QPCTL: variants seen among roughly 807,000 people sequenced by gnomAD.
QPCTL encodes the protein glutaminyl-peptide cyclotransferase-like protein.
QPCTL carries 31 observed loss-of-function variants against 34.6 expected under a neutral mutation model. That is an observed-to-expected ratio of 0.90 (90% CI 0.67 to 1.21). The LOEUF is 1.21. Ranked by LOEUF, QPCTL falls within the 50% of genes most tolerant of loss-of-function variation. QPCTL has a pLI of 0.00. For missense variants in QPCTL, 474 were observed against 507.8 expected (o/e 0.93, Z 0.64); for synonymous variants, 223 against 226.9 (o/e 0.98, Z 0.15).
intron 2 of QPCTL, among the ~76,000 whole-genome samples, chr19:45,693,812 T>C (rs114185570): frequency 0.023 from 3,538 of 152,288 alleles, 152 homozygotes; most frequent in African/African-American, 0.08. Flanking sequence ...ATCTTCATTA[T>C]GCAGATGGGG....
In QPCTL at chr19:45,698,840, C is replaced by T; in HGVS notation, c.826C>T (p.Pro276Ser). The T allele has an allele frequency of 1.9e-6, 3 of 1,614,040 alleles. No homozygotes were observed. The highest frequency in any genetic ancestry group is 2.5e-6 in the Non-Finnish European group (3 of 1,179,958). ...TCTTGATCTCCTGGGAGCCCCCAAT[C>T]CCACCTTCTACAGCCACTTCCCTCG... ...MLLDLLGAPN[P>S]TFYSHFPRTV... is the part of the protein sequence containing the mutation. The change falls in exon 5 of 7, where the codon CCC (proline) becomes TCC (serine). Residue 276 changes from proline to serine, a missense_variant. Physicochemically the swap from Pro to Ser is moderately conservative, Grantham distance 74 (BLOSUM62 -1). Transcript: ENST00000012049.
At chr19:45,698,282 C>A (rs1433738487) in intron 3 of QPCTL, among the ~76,000 whole-genome samples, 2 of 151,594 alleles carry the variant, frequency 1.3e-5, no homozygotes, top group Admixed American at 1.3e-4. Flanking sequence ...AAACAAAAAA[C>A]CTCTTATTAA....
rs1287426225 is a variant in QPCTL, at chr19:45,703,225, C to T, written c.*176C>T. ...CTTTTGATTGTCTCAAGCTGCCACC[C>T]TTCAAGGACAGGGAAGAGACCACTG... On this transcript the variant is annotated 3_prime_UTR_variant, in exon 7 of 7. Coordinates refer to ENST00000012049, the MANE Select transcript of QPCTL (RefSeq NM_017659.4). The T allele has an allele frequency of 1.2e-6, 1 of 839,322 alleles. No individual in the cohort carries two copies. Among genetic ancestry groups the T allele is most frequent in the Non-Finnish European group, 1.8e-6 (1 of 550,274 alleles). 52.0% of individuals were successfully genotyped at this position (839,322 alleles called of 1,614,324 possible).
intron 5 of QPCTL, among the ~76,000 whole-genome samples, chr19:45,699,431 T>C (rs1458884151): frequency 6.6e-6 from 1 of 151,934 alleles, no homozygotes; most frequent in African/African-American, 2.4e-5. Flanking sequence ...AAGGCTATAG[T>C]GAGCCAAGAT....
Position 45,694,539 on chromosome 19 carries a change from C to T in QPCTL, c.352-898C>T, listed in dbSNP as rs190668365. Among the ~76,000 whole-genome samples the T allele has an allele frequency of 7.9e-5, 12 of 151,786 alleles. No individual in the cohort carries two copies. In the East Asian group the frequency reaches 2.2e-3, roughly 27 times the overall value. On this transcript the variant is annotated intron_variant, in intron 2 of 6. Coordinates refer to ENST00000012049, the MANE Select transcript of QPCTL (RefSeq NM_017659.4). ...GGGTTGGAGTGCAGTGGCGCGATCT[C>T]GGCTCACTGCAACCTCCACCTCCCA...
At chr19:45,693,219 T>G (rs1433513327) in intron 1 of QPCTL, among the ~76,000 whole-genome samples, 194 bp from the exon 2 acceptor site, 1 of 152,088 alleles carries the variant, frequency 6.6e-6, no homozygotes, top group Admixed American at 6.6e-5. Context: ...CCCATCAAGT[T>G]TGAGGTAGGC....
chr19:45,701,577 C>T (rs1452491799), intron 5 of QPCTL, among the ~76,000 whole-genome samples: 1 of 152,088 alleles, frequency 6.6e-6, no homozygotes, highest in Non-Finnish European at 1.5e-5. Context: ...CACCAGGCCA[C>T]AAGATCTTGT....
chr19:45,694,604 G>A (rs1473392005), intron 2 of QPCTL, among the ~76,000 whole-genome samples: 1 of 151,048 alleles, frequency 6.6e-6, no homozygotes, highest in Admixed American at 6.6e-5. Flanking sequence ...CTGAGTAGCT[G>A]GGATTACAGG....
In QPCTL at chr19:45,693,433, C is replaced by T. The variant is rs1454927620; in HGVS notation, c.228C>T (p.Leu76=). 1.2e-6 allele frequency: 2 copies of T among 1,611,762 alleles called. No individual in the cohort carries two copies. Among genetic ancestry groups the T allele is most frequent in the East Asian group, 2.2e-5 (1 of 44,716 alleles). ...CCAAGGTCCCATTGATCGGAAGCCT[C>T]CCCGAAGCCCGGCTGCGGAGGGTGG... The part of the protein sequence containing the change: ...RELRVPLIGS[L]PEARLRRVVG... Residue 76 remains leucine (L), a synonymous_variant, in exon 2 of 7, where the codon CTC becomes CTT. Coordinates refer to ENST00000012049, the MANE Select transcript of QPCTL (RefSeq NM_017659.4).
intron 5 of QPCTL, among the ~76,000 whole-genome samples, chr19:45,700,829 G>T (rs571476367): frequency 1.2e-4 from 18 of 151,872 alleles, no homozygotes; most frequent in Non-Finnish European, 2.1e-4. Flanking sequence ...TGTGGTGGTG[G>T]GCGCCTGTAC....
intron 1 of QPCTL, 57 bp from the exon 2 acceptor site, chr19:45,693,356 G>A: frequency 6.4e-7 from 1 of 1,553,350 alleles, no homozygotes; most frequent in Non-Finnish European, 8.7e-7. Flanking sequence ...CCGGGGTAGG[G>A]TTGAAATGGG....
Position 45,692,838 on chromosome 19 carries a change from C to A in QPCTL, c.135C>A (p.Gly45=), listed in dbSNP as rs759307525. The change falls in exon 1 of 7, where the codon GGC becomes GGA. Residue 45 remains glycine (G), a synonymous_variant. Coordinates refer to ENST00000012049, the MANE Select transcript of QPCTL (RefSeq NM_017659.4). The part of the protein sequence containing the change: ...LLPLLLALAV[G]SAFYTIWSGW... ...CTCTGTTGCTGGCGCTGGCCGTGGG[C>A]TCGGCGTTCTACACCATTTGGAGCG... 1.3e-6 allele frequency: 2 copies of A among 1,564,362 alleles called. No homozygotes were observed. The highest frequency in any genetic ancestry group is 1.7e-6 in the Non-Finnish European group (2 of 1,154,904).
intron 1 of QPCTL, 65 bp from the exon 2 acceptor site, chr19:45,693,348 G>A: frequency 6.6e-7 from 1 of 1,522,690 alleles, no homozygotes; most frequent in East Asian, 2.3e-5. Flanking sequence ...GACGGCGCCC[G>A]GGGTAGGGTT....
rs1449153769 is a variant in QPCTL at position 45,701,892 on chromosome 19, C to G, written c.981C>G (p.Asp327Glu). 1.2e-6 allele frequency: 2 copies of G among 1,612,926 alleles called. No homozygotes were observed. Among genetic ancestry groups the G allele is most frequent in the Non-Finnish European group, 1.7e-6 (2 of 1,179,122 alleles). ...AGCCCTTTGGCTCTGTGGAAGACGACCACATCCCCTTCCTCCGCAGAGGTA... is the reference window on the plus strand; with the variant it reads ...AGCCCTTTGGCTCTGTGGAAGACGAGCACATCCCCTTCCTCCGCAGAGGTA... Reference protein sequence around the residue: ...PGEPFGSVEDDHIPFLRRGVP... With the variant: ...PGEPFGSVEDEHIPFLRRGVP... The change falls in exon 6 of 7, where the codon GAC (aspartate) becomes GAG (glutamate). Residue 327 changes from aspartate to glutamate, a missense_variant. By Grantham distance (45) the Asp-to-Glu change is conservative (BLOSUM62 2). Transcript: ENST00000012049.
chr19:45,694,761 G>A (rs1466259723), intron 2 of QPCTL, among the ~76,000 whole-genome samples: 1 of 151,992 alleles, frequency 6.6e-6, no homozygotes, highest in East Asian at 1.9e-4. Context: ...GAGCCACCGC[G>A]CCCGGCCTGG....
rs1967856130 is a variant in QPCTL, at chr19:45,703,968, AAATAAAT to A, written c.*921_*927del. Reference sequence around the variant, plus strand: ...ACTCCATCTCAATAAATAAATAAATAAATAAATATTTTTTAAAAAGAGTAAAAGACTA... The same window carrying A: ...ACTCCATCTCAATAAATAAATAAATAATTTTTTAAAAAGAGTAAAAGACTA... On this transcript the variant is annotated 3_prime_UTR_variant, in exon 7 of 7. Transcript: ENST00000012049. The A allele has an allele frequency of 2.0e-5, 3 of 151,906 alleles. No individual in the cohort carries two copies. The highest frequency in any genetic ancestry group is 4.4e-5 in the Non-Finnish European group (3 of 68,054). 9.4% of individuals were successfully genotyped at this position (151,906 alleles called of 1,614,324 possible). A position where few individuals can be genotyped will look rare whatever the true frequency, so the allele number is the denominator to read the frequency against.
chr19:45,703,140 C>G lies in QPCTL; in HGVS notation c.*91C>G. On this transcript the variant is annotated 3_prime_UTR_variant, in exon 7 of 7. Coordinates refer to ENST00000012049, the MANE Select transcript of QPCTL (RefSeq NM_017659.4). Reference sequence around the variant, plus strand: ...TCAGGCAGGATCTGCCTAGGGTGTGCTGGTTTGTCCTTTTCATACCTTTGT... The same window carrying G: ...TCAGGCAGGATCTGCCTAGGGTGTGGTGGTTTGTCCTTTTCATACCTTTGT... The G allele has an allele frequency of 6.7e-7, 1 of 1,485,226 alleles. No individual in the cohort carries two copies. The highest frequency in any genetic ancestry group is 1.2e-5 in the South Asian group (1 of 83,178). The allele number at this position is 1,485,226 out of a possible 1,614,324, so 92.0% of individuals were successfully genotyped here.
At chr19:45,701,738 G>T (rs545356287) in intron 5 of QPCTL, 60 bp from the exon 6 acceptor site, 67 of 1,323,372 alleles carry the variant, frequency 5.1e-5, no homozygotes, top group Non-Finnish European at 6.3e-5. Context: ...CTGATTTGTG[G>T]ACTGGGGACC....
At chr19:45,701,653 CCCA>C in intron 5 of QPCTL, 142 bp from the exon 6 acceptor site, 1 of 637,554 alleles carries the variant, frequency 1.6e-6, no homozygotes, top group Non-Finnish European at 2.8e-6. Flanking sequence ...ACATAGTGAG[CCCA>C]CAGGAAGGAG....
Sources: gnomAD v4.1 joint callset for allele counts (sites outside exome capture counted in the v4.1 genomes callset) on GRCh38, gnomAD v4.1.1 for gene constraint, MANE v1.5 for transcripts, NCBI Gene and HGNC (gene_info 2026-07-23, HGNC 2026-07-21) for gene names.